The following NLRP4 variants were observed in gnomAD, a reference collection of about 807,000 sequenced individuals.
The protein encoded by NLRP4 is NACHT, LRR and PYD domains-containing protein 4.
Under a neutral mutation model 84.7 loss-of-function variants are expected in NLRP4, and 44 were observed. The observed-to-expected ratio is 0.52, with a 90% CI of 0.41 to 0.67. The LOEUF is 0.67. Among genes scored for constraint, NLRP4 ranks in the 30% least tolerant of loss-of-function variants. NLRP4 has a pLI of 0.00. For missense variants in NLRP4, 1,260 were observed against 1,219.4 expected (o/e 1.03, Z -0.50); for synonymous variants, 544 against 476.4 (o/e 1.14, Z -1.85).
At chr19:55,859,482 T>A (rs2123036308) in intron 3 of NLRP4, among the ~76,000 whole-genome samples, 1 of 152,254 alleles carries the variant, frequency 6.6e-6, no homozygotes, top group South Asian at 2.1e-4. Flanking sequence ...AATAATTGTA[T>A]TGTGAGGAGT....
intron 1 of NLRP4, among the ~76,000 whole-genome samples, chr19:55,844,424 C>T (rs1057395548): frequency 6.6e-6 from 1 of 152,104 alleles, no homozygotes; most frequent in Non-Finnish European, 1.5e-5. Flanking sequence ...AAGACAGGCA[C>T]ATACCACCAC....
At chr19:55,854,868 C>T (rs1052188704) in intron 2 of NLRP4, among the ~76,000 whole-genome samples, 2 of 152,088 alleles carry the variant, frequency 1.3e-5, no homozygotes, top group Non-Finnish European at 2.9e-5. Flanking sequence ...GATTATAAGG[C>T]GCTCACCACC....
chr19:55,857,506 G>A, intron 2 of NLRP4, 168 bp from the exon 3 acceptor site: 1 of 616,370 alleles, frequency 1.6e-6, no homozygotes, highest in Non-Finnish European at 2.8e-6. Context: ...CGTGAATGGT[G>A]TAGTGAGTTC....
intron 7 of NLRP4, among the ~76,000 whole-genome samples, chr19:55,875,447 C>T (rs1985332491): frequency 6.6e-6 from 1 of 152,000 alleles, no homozygotes; most frequent in African/African-American, 2.4e-5. Flanking sequence ...ATAAAAGTAC[C>T]TTTTACAGTA....
Position 55,857,804 on chromosome 19 carries a change from C to A in NLRP4, c.411C>A (p.Arg137=). Residue 137 remains arginine (R), a synonymous_variant, in exon 3 of 10, where the codon CGC becomes CGA. Transcript: ENST00000301295. The part of the protein sequence containing the change: ...VKQEECDHLD[R]LFAPKEAGKQ... ...AAGAAGAATGTGACCATTTGGACCGCCTTTTTGCTCCCAAGGAAGCTGGGA... is the reference window on the plus strand; with the variant it reads ...AAGAAGAATGTGACCATTTGGACCGACTTTTTGCTCCCAAGGAAGCTGGGA... 6.2e-7 allele frequency: 1 copy of A among 1,614,062 alleles called. No individual in the cohort carries two copies. Among genetic ancestry groups the A allele is most frequent in the Non-Finnish European group, 8.5e-7 (1 of 1,179,966 alleles).
At chr19:55,876,822 A>G (rs1049890664) in intron 7 of NLRP4, among the ~76,000 whole-genome samples, 174 bp from the exon 8 acceptor site, 1 of 152,042 alleles carries the variant, frequency 6.6e-6, no homozygotes, top group Admixed American at 6.6e-5. Flanking sequence ...GTTATGTGTT[A>G]TTGTTTTAAT....
chr19:55,857,006 C>G (rs544147816), intron 2 of NLRP4, among the ~76,000 whole-genome samples: 1 of 152,236 alleles, frequency 6.6e-6, no homozygotes, highest in South Asian at 2.1e-4. Flanking sequence ...TATGTGAAAC[C>G]TATATGTGTA....
intron 3 of NLRP4, among the ~76,000 whole-genome samples, chr19:55,859,491 G>A (rs77787634): frequency 0.011 from 1,649 of 152,264 alleles, 26 homozygotes; most frequent in African/African-American, 0.038. Flanking sequence ...ATTGTGAGGA[G>A]TGAATATGAG....
At chr19:55,871,094 CTG>C (rs1985164470) in intron 7 of NLRP4, 97 bp downstream of exon 7, 1 of 1,055,824 alleles carries the variant, frequency 9.5e-7, no homozygotes, top group African/African-American at 1.6e-5. Context: ...GCTGTAGTGT[CTG>C]TGCCTGGGCA....
chr19:55,843,835 C>G (rs1439832940), intron 1 of NLRP4, among the ~76,000 whole-genome samples: 5 of 151,998 alleles, frequency 3.3e-5, no homozygotes, highest in Non-Finnish European at 5.9e-5. Context: ...ACATCTGGTC[C>G]ACAGTCTCTT....
At chr19:55,855,595 G>T (rs1211961087) in intron 2 of NLRP4, among the ~76,000 whole-genome samples, 1 of 152,238 alleles carries the variant, frequency 6.6e-6, no homozygotes, top group East Asian at 1.9e-4. Flanking sequence ...ACTGTCAGCA[G>T]TCTGTGGGCA....
chr19:55,880,423 G>A (rs1402986789), intron 9 of NLRP4, among the ~76,000 whole-genome samples: 1 of 152,224 alleles, frequency 6.6e-6, no homozygotes, highest in East Asian at 1.9e-4. Flanking sequence ...GCCAGGGTAA[G>A]GCATTTGTCC....
chr19:55,850,063 GAATTTCCGAGACTGCGGTGT>G (rs1984000888), intron 1 of NLRP4, among the ~76,000 whole-genome samples: 3 of 54,782 alleles, frequency 5.5e-5, no homozygotes, highest in East Asian at 5.8e-4. Flanking sequence ...AGCTGCGGTG[GAATTTCCGAGACTGCGGTGT>G]AATTTCCGTG....
intron 1 of NLRP4, among the ~76,000 whole-genome samples, chr19:55,838,817 G>A (rs1454379472): frequency 6.6e-6 from 1 of 151,980 alleles, no homozygotes; most frequent in East Asian, 1.9e-4. Context: ...AAGCTCTTTT[G>A]ATAACCACAC....
chr19:55,849,113 A>G (rs904538329), intron 1 of NLRP4, among the ~76,000 whole-genome samples: 5 of 152,116 alleles, frequency 3.3e-5, no homozygotes, highest in African/African-American at 1.2e-4. Flanking sequence ...CACACTTAAG[A>G]GGTGGGGAGT....
intron 1 of NLRP4, among the ~76,000 whole-genome samples, chr19:55,839,308 A>C (rs365755): frequency 0.018 from 2,761 of 151,462 alleles, 44 homozygotes; most frequent in Admixed American, 0.029. Flanking sequence ...CCTCAGTTTG[A>C]GTGTGTGTGT....
Position 55,881,523 on chromosome 19 carries a change from AAG to A in NLRP4, c.2927_2928del (p.Arg976LysfsTer3). The A allele has an allele frequency of 6.2e-7, 1 of 1,611,350 alleles. No homozygotes were observed. Among genetic ancestry groups the A allele is most frequent in the Non-Finnish European group, 8.5e-7 (1 of 1,177,524 alleles). On this transcript the variant is annotated frameshift_variant, in exon 10 of 10. Coordinates refer to ENST00000301295, the MANE Select transcript of NLRP4 (RefSeq NM_134444.5). LOFTEE classifies it low-confidence loss of function (END_TRUNC). ...ACCCAGGCACTTCTGACGGCTGAGGAAGAGAGAAATCCTAACCTGACCATCAC... is the reference window on the plus strand; with the variant it reads ...ACCCAGGCACTTCTGACGGCTGAGGAAGAGAAATCCTAACCTGACCATCAC...
At chr19:55,856,781 T>C (rs1984448124) in intron 2 of NLRP4, among the ~76,000 whole-genome samples, 1 of 152,162 alleles carries the variant, frequency 6.6e-6, no homozygotes, top group Non-Finnish European at 1.5e-5. Context: ...CCCAAAGTTC[T>C]GGGATTACAG....
At chr19:55,873,275 A>ACTTCTGTCT (rs1985257602) in intron 7 of NLRP4, among the ~76,000 whole-genome samples, 1 of 152,162 alleles carries the variant, frequency 6.6e-6, no homozygotes, top group Non-Finnish European at 1.5e-5. Flanking sequence ...TTGAAGATTT[A>ACTTCTGTCT]ATGGAAAAAA....
Sources: gnomAD v4.1 joint callset for allele counts (sites outside exome capture counted in the v4.1 genomes callset) on GRCh38, gnomAD v4.1.1 for gene constraint, MANE v1.5 for transcripts, NCBI Gene and HGNC (gene_info 2026-07-23, HGNC 2026-07-21) for gene names.